STAB1: variants seen among roughly 807,000 people sequenced by gnomAD.
The protein encoded by STAB1 is stabilin-1.
In STAB1, 250 loss-of-function variants were observed where a neutral mutation model predicts 332.4. The ratio of observed to expected loss-of-function variants is 0.75; its 90% CI spans 0.68 to 0.84. STAB1 has a LOEUF of 0.84. Among genes scored for constraint, STAB1 ranks in the 40% least tolerant of loss-of-function variants. The probability of loss-of-function intolerance (pLI) is 0.00; values close to 1 mark genes in which losing one functional copy is unlikely to be tolerated. For synonymous variants in STAB1, 1,475 were observed against 1,390.4 expected (o/e 1.06, Z -1.35); for missense variants, 3,249 against 3,489.7 (o/e 0.93, Z 1.74).
At position 52,518,297 on chromosome 3, in the gene STAB1, C is replaced by G; in HGVS notation, c.4762-15C>G. ...GGGGGCCGCCCCAAATCTGAGCTGACCCTCGCCCCCCCAGGAGCTCCTGAG... is the reference window on the plus strand; with the variant it reads ...GGGGGCCGCCCCAAATCTGAGCTGAGCCTCGCCCCCCCAGGAGCTCCTGAG... On this transcript the variant is annotated splice_polypyrimidine_tract_variant and intron_variant, in intron 45 of 68. Transcript: ENST00000321725. The G allele has an allele frequency of 6.2e-7, 1 of 1,612,540 alleles. No individual in the cohort carries two copies. Among genetic ancestry groups the G allele is most frequent in the Middle Eastern group, 1.7e-4 (1 of 6,054 alleles).
chr3:52,520,690 C>T lies in STAB1; in HGVS notation c.5698C>T (p.Gln1900Ter). 1.9e-6 allele frequency: 3 copies of T among 1,592,882 alleles called. No individual in the cohort carries two copies. Among genetic ancestry groups the T allele is most frequent in the Non-Finnish European group, 2.5e-6 (3 of 1,177,284 alleles). Residue 1900 changes from glutamine to a stop codon, truncating the protein, a stop_gained, in exon 54 of 69, where the codon CAG becomes TAG. Coordinates refer to ENST00000321725, the MANE Select transcript of STAB1 (RefSeq NM_015136.3). LOFTEE classifies it high-confidence loss of function. Reference sequence around the variant, plus strand: ...GGAGCCACCCTGTCCTGAGGGGTCACAGGAGCAGGTACAGGGCTAGGGGCT... The same window carrying T: ...GGAGCCACCCTGTCCTGAGGGGTCATAGGAGCAGGTACAGGGCTAGGGGCT... ...GLEPPCPEGS[Q>*]EQGSPEACWR...
chr3:52,517,202 G>T, intron 42 of STAB1, 93 bp downstream of exon 42: 1 of 1,502,674 alleles, frequency 6.7e-7, no homozygotes, highest in Non-Finnish European at 8.9e-7. Flanking sequence ...GGGGCACATG[G>T]GACTTGTGGG....
At chr3:52,509,186 TC>T (rs778317547) in intron 21 of STAB1, 23 bp from the exon 22 acceptor site, 1 of 1,607,892 alleles carries the variant, frequency 6.2e-7, no homozygotes, top group Admixed American at 1.7e-5. Context: ...CCATGACTGA[TC>T]CTGCCTTCTG....
At position 52,518,002 on chromosome 3, in the gene STAB1, T is replaced by G; in HGVS notation, c.4760T>G (p.Leu1587Arg). The change falls in exon 45 of 69, where the codon CTG becomes CGG. Residue 1587 changes from leucine to arginine, a missense_variant and splice_region_variant. By Grantham distance (102) the Leu-to-Arg change is moderately radical (BLOSUM62 -2). Transcript: ENST00000321725. ...CTCACCTGCCGTGCCCGAGTCGGCC[T>G]GGTAATGATGCCCAAGTCAGACCCC... ...DGLTCRARVG[L>R]ELLRDKHASF... 6.2e-7 allele frequency: 1 copy of G among 1,601,968 alleles called. No homozygotes were observed. Among genetic ancestry groups the G allele is most frequent in the South Asian group, 1.1e-5 (1 of 89,528 alleles).
At position 52,522,171 on chromosome 3, in the gene STAB1, T is replaced by A; in HGVS notation, c.6406T>A (p.Cys2136Ser). The change falls in exon 59 of 69, where the codon TGC becomes AGC. Residue 2136 changes from cysteine to serine, a missense_variant. Physicochemically the swap from Cys to Ser is moderately radical, Grantham distance 112. Coordinates refer to ENST00000321725, the MANE Select transcript of STAB1 (RefSeq NM_015136.3). The part of the protein sequence containing the change: ...DGWSCRARNP[C>S]TDGHRGGCSE... Reference sequence around the variant, plus strand: ...CTGGAGCTGCCGGGCCCGCAACCCCTGCACAGATGGCCACCGCGGGGGCTG... The same window carrying A: ...CTGGAGCTGCCGGGCCCGCAACCCCAGCACAGATGGCCACCGCGGGGGCTG... The A allele has an allele frequency of 1.2e-6, 2 of 1,612,754 alleles. No individual in the cohort carries two copies. Among genetic ancestry groups the A allele is most frequent in the Non-Finnish European group, 1.7e-6 (2 of 1,179,968 alleles).
At position 52,503,413 on chromosome 3, in the gene STAB1, C is replaced by A. The variant is rs556250661; in HGVS notation, c.764C>A (p.Ala255Asp). ...AQCSVSPKGQ[A>D]QCHCPENYHG... Reference sequence around the variant, plus strand: ...TGCTCGGTGAGCCCCAAGGGGCAGGCTCAGTGTCACTGCCCTGAGAACTAC... The same window carrying A: ...TGCTCGGTGAGCCCCAAGGGGCAGGATCAGTGTCACTGCCCTGAGAACTAC... Residue 255 changes from alanine to aspartate, a missense_variant, in exon 8 of 69, where the codon GCT becomes GAT. Ala to Asp is a moderately radical substitution (Grantham distance 126). Transcript: ENST00000321725. 6.2e-7 allele frequency: 1 copy of A among 1,613,582 alleles called. No homozygotes were observed. The highest frequency in any genetic ancestry group is 1.3e-5 in the African/African-American group (1 of 74,944).
chr3:52,501,480 G>A (rs1708438226), intron 2 of STAB1, 158 bp from the exon 3 acceptor site: 3 of 1,100,074 alleles, frequency 2.7e-6, no homozygotes, highest in Non-Finnish European at 3.9e-6. Flanking sequence ...GGGCAGGAGG[G>A]GTTTATGGGG....
At chr3:52,519,694 A>G (rs954693764) in intron 50 of STAB1, 130 bp downstream of exon 50, 113 of 1,356,354 alleles carry the variant, frequency 8.3e-5, no homozygotes, top group Non-Finnish European at 1.1e-4. Context: ...GTGTGAACTC[A>G]TGTGTGCACA....
rs2079068458 is a variant in STAB1 at position 52,521,431 on chromosome 3, G to A, written c.5979G>A (p.Gly1993=). ...GCATGGACGGCATGAGTGGCAGTGG[G>A]CAGTGTCTGTGCCGTTCAGGTTTTG... ...GVCMDGMSGS[G]QCLCRSGFAG... is the part of the protein sequence containing the mutation. Residue 1993 remains glycine (G), a synonymous_variant, in exon 56 of 69, where the codon GGG becomes GGA. Transcript: ENST00000321725. The A allele has an allele frequency of 6.2e-7, 1 of 1,613,928 alleles. No individual in the cohort carries two copies. Among genetic ancestry groups the A allele is most frequent in the Non-Finnish European group, 8.5e-7 (1 of 1,180,042 alleles).
rs201911084 is a variant in STAB1 at position 52,523,340 on chromosome 3, T to C, written c.7139T>C (p.Met2380Thr). 5.0e-5 allele frequency: 80 copies of C among 1,609,960 alleles called. No homozygotes were observed. In the East Asian group the frequency reaches 1.6e-3, roughly 32 times the overall value. Residue 2380 changes from methionine to threonine, a missense_variant and splice_region_variant, in exon 64 of 69, where the codon ATG becomes ACG. Transcript: ENST00000321725. Reference sequence around the variant, plus strand: ...GTCAATGAAGGCTTTGTGGACAACATGGTAACCCCCAAGGGTGTGGGCAGA... The same window carrying C: ...GTCAATGAAGGCTTTGTGGACAACACGGTAACCCCCAAGGGTGTGGGCAGA... ...VPVNEGFVDNMTLSGPDLELH... is the reference protein window; with the variant it reads ...VPVNEGFVDNTTLSGPDLELH...
chr3:52,519,888 T>C (rs1559717063), intron 50 of STAB1, 56 bp from the exon 51 acceptor site: 1 of 1,517,836 alleles, frequency 6.6e-7, no homozygotes, highest in East Asian at 2.3e-5. Flanking sequence ...CCCCTGCCTT[T>C]GCTAACTAGT....
At chr3:52,520,762 A>C in intron 54 of STAB1, 42 bp from the exon 55 acceptor site, 1 of 1,612,694 alleles carries the variant, frequency 6.2e-7, no homozygotes, top group Non-Finnish European at 8.5e-7. Context: ...AGGACCACCA[A>C]ACTCAGAACC....
At chr3:52,503,202 A>T (rs903576037) in intron 7 of STAB1, 93 bp downstream of exon 7, 1 of 1,497,972 alleles carries the variant, frequency 6.7e-7, no homozygotes, top group East Asian at 2.5e-5. Flanking sequence ...TGTAATTCAC[A>T]AGGAGGGAGA....
rs1274196093 is a variant in STAB1, at chr3:52,514,419, A to G, written c.3601A>G (p.Thr1201Ala). Residue 1201 changes from threonine (T) to alanine (A), a missense_variant, in exon 34 of 69, where the codon ACC becomes GCC. Coordinates refer to ENST00000321725, the MANE Select transcript of STAB1 (RefSeq NM_015136.3). ...VVLGEALSMETLRKGGHRNSL... is the reference protein window; with the variant it reads ...VVLGEALSMEALRKGGHRNSL... ...CCTGGGGGAGGCCCTCTCCATGGAA[A>G]CCCTGCGGAAGGGTGGACACCGCAA... 6.4e-7 allele frequency: 1 copy of G among 1,553,932 alleles called. No homozygotes were observed.
chr3:52,518,280 C>A (rs759827710), intron 45 of STAB1, 32 bp from the exon 46 acceptor site: 1 of 1,611,156 alleles, frequency 6.2e-7, no homozygotes, highest in South Asian at 1.1e-5. Flanking sequence ...ATGGGGGCCG[C>A]CCCAAATCTG....
In STAB1 at chr3:52,506,041, C is replaced by T. The variant is rs958783421; in HGVS notation, c.1749+105C>T. The T allele has an allele frequency of 2.0e-6, 3 of 1,525,498 alleles. No homozygotes were observed. In the East Asian group the frequency reaches 7.0e-5, roughly 36 times the overall value. The allele number at this position is 1,525,498 out of a possible 1,614,324, so 94.5% of individuals were successfully genotyped here. ...ATCTCTTCTCCATCTCCCTTCCCTT[C>T]TCATCTGTTCTGCTATAGCACAGAG... is the stretch of plus-strand genomic sequence containing the variant. On this transcript the variant is annotated intron_variant, in intron 16 of 68. Transcript: ENST00000321725.
chr3:52,497,148 C>G (rs889820909), intron 1 of STAB1, among the ~76,000 whole-genome samples: 1 of 151,700 alleles, frequency 6.6e-6, no homozygotes, highest in Non-Finnish European at 1.5e-5. Flanking sequence ...TTACAGGCGC[C>G]CGCCACCACA....
chr3:52,507,829 G>C (rs1708988693), intron 19 of STAB1, 102 bp from the exon 20 acceptor site: 5 of 1,458,600 alleles, frequency 3.4e-6, no homozygotes, highest in Non-Finnish European at 4.8e-6. Context: ...CAGGGTTAGA[G>C]TTCTGGACCC....
rs946105422 is a variant in STAB1, at chr3:52,495,434, C to T, written c.21C>T (p.Leu7=). 7.4e-7 allele frequency: 1 copy of T among 1,342,806 alleles called. No homozygotes were observed. The highest frequency in any genetic ancestry group is 9.6e-7 in the Non-Finnish European group (1 of 1,040,354). The allele number at this position is 1,342,806 out of a possible 1,614,324, so 83.2% of individuals were successfully genotyped here. Residue 7 remains leucine (L), a synonymous_variant, in exon 1 of 69, where the codon CTC becomes CTT. Coordinates refer to ENST00000321725, the MANE Select transcript of STAB1 (RefSeq NM_015136.3). MAGPRG[L]LPLCLLAFCL... is the part of the protein sequence containing the mutation. ...CAGCCATGGCGGGGCCCCGGGGCCTCCTCCCACTCTGCCTCCTGGCCTTCT... is the reference window on the plus strand; with the variant it reads ...CAGCCATGGCGGGGCCCCGGGGCCTTCTCCCACTCTGCCTCCTGGCCTTCT...
Sources: allele counts gnomAD v4.1 joint callset (sites outside exome capture counted in the v4.1 genomes callset), GRCh38; gene constraint gnomAD v4.1.1; transcripts MANE v1.5; gene names NCBI Gene and HGNC (gene_info 2026-07-23, HGNC 2026-07-21).